CERS5: variants seen among roughly 807,000 people sequenced by gnomAD.
CERS5 encodes the protein LAG1 homolog, ceramide synthase 5.
CERS5 carries 37 observed loss-of-function variants against 58.9 expected under a neutral mutation model. That is an observed-to-expected ratio of 0.63 (90% confidence interval 0.48 to 0.83). CERS5 has a LOEUF of 0.83. Among genes scored for constraint, CERS5 ranks in the 40% least tolerant of loss-of-function variants. The probability of loss-of-function intolerance (pLI) is 0.00; values close to 1 mark genes in which losing one functional copy is unlikely to be tolerated. For missense variants in CERS5, 398 were observed against 489.3 expected (o/e 0.81, Z 1.76); for synonymous variants, 147 against 177.8 (o/e 0.83, Z 1.38).
intron 1 of CERS5, chr12:50,165,960 ATC>A: frequency 2.2e-6 from 1 of 454,666 alleles, no homozygotes; most frequent in South Asian, 1.6e-5. Context: ...CAAACATATG[ATC>A]CATTCACTTA....
At chr12:50,134,427 G>A in intron 9 of CERS5, 119 bp downstream of exon 9, 1 of 1,605,454 alleles carries the variant, frequency 6.2e-7, no homozygotes. Context: ...TGGAGCCCTA[G>A]GCTTTTTGCT....
At chr12:50,164,709 CAGAT>C (rs1183661559) in intron 1 of CERS5, among the ~76,000 whole-genome samples, 10 of 152,110 alleles carry the variant, frequency 6.6e-5, no homozygotes, top group Admixed American at 1.3e-4. Context: ...TAGAAACACT[CAGAT>C]AGAATTCCCA....
chr12:50,162,184 C>CTTTTTTTTT (rs75460499), intron 1 of CERS5, among the ~76,000 whole-genome samples: 1 of 129,368 alleles, frequency 7.7e-6, no homozygotes, highest in African/African-American at 2.9e-5. Context: ...CTGATTTGTT[C>CTTTTTTTTT]TTTTTTTTTT....
intron 1 of CERS5, chr12:50,148,453 C>A: frequency 9.0e-6 from 2 of 221,032 alleles, no homozygotes; most frequent in East Asian, 1.7e-4. Context: ...AAAAATTAGC[C>A]AGGCATGGCG....
At chr12:50,136,225 C>G (rs1951692195) in intron 6 of CERS5, among the ~76,000 whole-genome samples, 156 bp from the exon 7 acceptor site, 1 of 152,228 alleles carries the variant, frequency 6.6e-6, no homozygotes, top group Admixed American at 6.5e-5. Flanking sequence ...GTAATCCCAG[C>G]ACTTTGGGAG....
chr12:50,140,134 T>C (rs1200851972), intron 4 of CERS5, among the ~76,000 whole-genome samples: 1 of 152,122 alleles, frequency 6.6e-6, no homozygotes, highest in Non-Finnish European at 1.5e-5. Context: ...ATATAAACAT[T>C]TAAAGCTATA....
intron 9 of CERS5, chr12:50,134,271 T>G: frequency 1.9e-6 from 1 of 538,642 alleles, no homozygotes; most frequent in Non-Finnish European, 2.8e-6. Context: ...CCCAGCTACT[T>G]GGGAGGCTGC....
rs1951766380 is a variant in CERS5, at chr12:50,137,819, G to A, written c.545C>T (p.Pro182Leu). Residue 182 changes from proline (P) to leucine (L), a missense_variant and splice_region_variant, in exon 6 of 10, where the codon CCT becomes CTT. Physicochemically the swap from Pro to Leu is moderately conservative, Grantham distance 98. Coordinates refer to ENST00000317551, the MANE Select transcript of CERS5 (RefSeq NM_147190.5). ...RQCWHNYPFQPLSSGLYHYYI... is the reference protein window; with the variant it reads ...RQCWHNYPFQLLSSGLYHYYI... ...ATAGTGATAAAGCCCACTTGAAAGA[G>A]GCTGGAAGAGAGAAAGAAGTAGTTA... 3 of 1,588,452 alleles carry A rather than the reference G, an allele frequency of 1.9e-6. No individual in the cohort carries two copies. Among genetic ancestry groups the A allele is most frequent in the Non-Finnish European group, 2.6e-6 (3 of 1,158,214 alleles).
At chr12:50,136,212 C>A in intron 6 of CERS5, 143 bp from the exon 7 acceptor site, 3 of 649,820 alleles carry the variant, frequency 4.6e-6, no homozygotes, top group South Asian at 1.1e-4. Flanking sequence ...GTGGCTCATG[C>A]CTGTAATCCC....
At chr12:50,141,406 G>A (rs1369378777) in intron 4 of CERS5, among the ~76,000 whole-genome samples, 2 of 152,052 alleles carry the variant, frequency 1.3e-5, no homozygotes, top group African/African-American at 4.8e-5. Flanking sequence ...AATAATACCT[G>A]TTTCACCCAC....
chr12:50,138,106 A>G (rs1337831619), intron 5 of CERS5, among the ~76,000 whole-genome samples: 2 of 152,192 alleles, frequency 1.3e-5, no homozygotes, highest in Admixed American at 1.3e-4. Flanking sequence ...ATTCTGGGCA[A>G]TTAGTGCTTT....
chr12:50,132,826 A>G (rs1439786806), intron 9 of CERS5: 3 of 1,114,946 alleles, frequency 2.7e-6, no homozygotes, highest in African/African-American at 1.6e-5. Flanking sequence ...GCTCTAGTCA[A>G]TAATGGCCCC....
chr12:50,134,284 TG>T, intron 9 of CERS5: 1 of 635,184 alleles, frequency 1.6e-6, no homozygotes. Context: ...GAGGCTGCAG[TG>T]GGAGAATCCA....
intron 1 of CERS5, among the ~76,000 whole-genome samples, chr12:50,153,497 C>G (rs1308967266): frequency 1.3e-5 from 2 of 151,420 alleles, no homozygotes; most frequent in Non-Finnish European, 2.9e-5. Flanking sequence ...CCAGGATGCT[C>G]TCAATCTCTT....
chr12:50,144,021 G>C lies in CERS5; in HGVS notation c.234C>G (p.Ile78Met), dbSNP rs979858739. 6.2e-7 allele frequency: 1 copy of C among 1,612,906 alleles called. No individual in the cohort carries two copies. The highest frequency in any genetic ancestry group is 8.5e-7 in the Non-Finnish European group (1 of 1,179,014). The change falls in exon 2 of 10, where the codon ATC becomes ATG. Residue 78 changes from isoleucine to methionine, a missense_variant. Ile to Met is a conservative substitution (Grantham distance 10, BLOSUM62 1). Coordinates refer to ENST00000317551, the MANE Select transcript of CERS5 (RefSeq NM_147190.5). ...IAKPCALCIGIEDSGPYQAQP... is the reference protein window; with the variant it reads ...IAKPCALCIGMEDSGPYQAQP... ...GGGCCTGATAAGGACCACTGTCCTCGATGCCAATACAGAGTGCACAGGGTT... is the reference window on the plus strand; with the variant it reads ...GGGCCTGATAAGGACCACTGTCCTCCATGCCAATACAGAGTGCACAGGGTT...
intron 1 of CERS5, among the ~76,000 whole-genome samples, chr12:50,166,638 T>TA (rs768643456): frequency 3.9e-5 from 6 of 152,186 alleles, no homozygotes; most frequent in Admixed American, 2.0e-4. Context: ...TAACAAATCT[T>TA]AAGAGTCTGA....
intron 1 of CERS5, among the ~76,000 whole-genome samples, chr12:50,159,088 G>T (rs369919334): frequency 5.3e-5 from 8 of 152,250 alleles, no homozygotes; most frequent in African/African-American, 1.7e-4. Context: ...TTGAGAGGCC[G>T]AGGCGGGCGA....
At chr12:50,166,521 C>G (rs1939917207) in intron 1 of CERS5, among the ~76,000 whole-genome samples, 2 of 152,122 alleles carry the variant, frequency 1.3e-5, no homozygotes, top group Admixed American at 6.5e-5. Context: ...CTATCCCAAC[C>G]AGATTTCTAC....
Position 50,136,021 on chromosome 12 carries a change from A to C in CERS5, c.685T>G (p.Ser229Ala), listed in dbSNP as rs756343191. 6.6e-7 allele frequency: 1 copy of C among 1,518,286 alleles called. No homozygotes were observed. The highest frequency in any genetic ancestry group is 1.4e-5 in the South Asian group (1 of 73,548). The allele number at this position is 1,518,286 out of a possible 1,614,324, so 94.1% of individuals were successfully genotyped here. A position where few individuals can be genotyped will look rare whatever the true frequency, so the allele number is the denominator to read the frequency against. The change falls in exon 7 of 10, where the codon TCC becomes GCC. Residue 229 changes from serine (S) to alanine (A), a missense_variant. Coordinates refer to ENST00000317551, the MANE Select transcript of CERS5 (RefSeq NM_147190.5). ...ACCATATTGTTGATGTAGGAGAAGG[A>C]GATAAGCCCAATGGTGACCAAGTGA... ...VHHLVTIGLISFSYINNMVRV... is the reference protein window; with the variant it reads ...VHHLVTIGLIAFSYINNMVRV...
Sources: gnomAD v4.1 joint callset for allele counts (sites outside exome capture counted in the v4.1 genomes callset) on GRCh38, gnomAD v4.1.1 for gene constraint, MANE v1.5 for transcripts, NCBI Gene and HGNC (gene_info 2026-07-23, HGNC 2026-07-21) for gene names.